The following LCAT variants were observed in gnomAD, a reference collection of about 807,000 sequenced individuals.
LCAT encodes phosphatidylcholine-sterol acyltransferase.
A neutral mutation model predicts 41.0 loss-of-function variants in LCAT; 15 were observed. That is an observed-to-expected ratio of 0.37 (90% CI 0.24 to 0.56). The LOEUF (loss-of-function observed/expected upper bound fraction) is 0.56, where lower values mean the gene tolerates loss of function less well. Ranked by LOEUF, LCAT falls within the 20% of genes least tolerant of loss-of-function variation. LCAT has a pLI of 0.81. For synonymous variants in LCAT, 248 were observed against 245.4 expected (o/e 1.01, Z -0.10); for missense variants, 449 against 595.1 (o/e 0.75, Z 2.55).
rs772490066 is a variant in LCAT at position 67,942,319 on chromosome 16, T to A, written c.748+44A>T. 6.3e-7 allele frequency: 1 copy of A among 1,588,774 alleles called. No homozygotes were observed. The highest frequency in any genetic ancestry group is 2.2e-5 in the East Asian group (1 of 44,732). ...AATGAAGGCAGGCCCAGGATCAGCT[T>A]GGTCTCACCCATCGCTGGACCTAAG... On this transcript the variant is annotated intron_variant, in intron 5 of 5. Coordinates refer to ENST00000264005, the MANE Select transcript of LCAT (RefSeq NM_000229.2). This position sits in a 1 kb window ranked among gnomAD's most constrained non-coding sequence, Gnocchi z 6.6.
Position 67,942,691 on chromosome 16 carries a change from TA to T in LCAT, c.502del (p.Tyr168MetfsTer96). 1 of 1,612,788 alleles carries T rather than the reference TA, an allele frequency of 6.2e-7. No homozygotes were observed. Among genetic ancestry groups the T allele is most frequent in the Non-Finnish European group, 8.5e-7 (1 of 1,179,872 alleles). On this transcript the variant is annotated frameshift_variant, in exon 4 of 6. Transcript: ENST00000264005. LOFTEE classifies it high-confidence loss of function. The surrounding 1 kb of genome is among the most constrained non-coding windows in gnomAD (Gnocchi z 6.6). Reference protein sequence around the residue: ...VRDETVRAAPYDWRLEPGQQE... With the variant: ...VRDETVRAAPXDWRLEPGQQE... ...CTCACCGGGCTCCAGCCGCCAGTCATAGGGGGCGGCGCGCACAGTCTCGTCC... is the reference window on the plus strand; with the variant it reads ...CTCACCGGGCTCCAGCCGCCAGTCATGGGGGCGGCGCGCACAGTCTCGTCC...
chr16:67,943,760 CAG>C lies in LCAT; in HGVS notation c.154+186_154+187del. On this transcript the variant is annotated intron_variant, in intron 1 of 5. Transcript: ENST00000264005. The surrounding 1 kb of genome is among the most constrained non-coding windows in gnomAD (Gnocchi z 4.6). ...CCCTGGGTTAGACAACTGAGAGTCA[CAG>C]TGTGGTGGGAGAAGGGACGTCATTC... The C allele has an allele frequency of 1.6e-6, 1 of 613,542 alleles. No individual in the cohort carries two copies. The highest frequency in any genetic ancestry group is 2.8e-6 in the Non-Finnish European group (1 of 356,610). 38.0% of individuals were successfully genotyped at this position (613,542 alleles called of 1,614,324 possible).
At position 67,940,196 on chromosome 16, in the gene LCAT, G is replaced by A; in HGVS notation, c.1031C>T (p.Pro344Leu). The A allele has an allele frequency of 6.2e-7, 1 of 1,612,696 alleles. No homozygotes were observed. Among genetic ancestry groups the A allele is most frequent in the Non-Finnish European group, 8.5e-7 (1 of 1,179,908 alleles). ...EVYCLYGVGL[P>L]TPRTYIYDHG... Reference sequence around the variant, plus strand: ...GTCGTAGATGTAGGTGCGGGGCGTGGGCAGGCCCACGCCGTAAAGACAGTA... The same window carrying A: ...GTCGTAGATGTAGGTGCGGGGCGTGAGCAGGCCCACGCCGTAAAGACAGTA... Residue 344 changes from proline to leucine, a missense_variant, in exon 6 of 6, where the codon CCC (proline) becomes CTC (leucine). Physicochemically the swap from Pro to Leu is moderately conservative, Grantham distance 98 (BLOSUM62 -3). Coordinates refer to ENST00000264005, the MANE Select transcript of LCAT (RefSeq NM_000229.2).
chr16:67,940,755 T>C, intron 5 of LCAT: 1 of 466,330 alleles, frequency 2.1e-6, no homozygotes, highest in Non-Finnish European at 3.8e-6. Context: ...TCCCAACACT[T>C]TGGGAGGCTG....
intron 5 of LCAT, chr16:67,940,835 CAAAAAAA>C (rs1188151330): frequency 3.8e-5 from 3 of 79,688 alleles, no homozygotes; most frequent in Admixed American, 1.2e-4. Flanking sequence ...CCTGTCTCTA[CAAAAAAA>C]AAAAAAAAAA....
chr16:67,940,400 A>T lies in LCAT; in HGVS notation c.827T>A (p.Met276Lys), dbSNP rs121908054. ...AGGCCACGCCATGCGAGAGGGAAAC[A>T]TCCAGGGGGAGGTGGTGGTTATGCG... ...EQRITTTSPW[M>K]FPSRMAWPED... is the part of the protein sequence containing the mutation. The change falls in exon 6 of 6, where the codon ATG (methionine) becomes AAG (lysine). Residue 276 changes from methionine (M) to lysine (K), a missense_variant. Physicochemically the swap from Met to Lys is moderately conservative, Grantham distance 95 (BLOSUM62 -1). Coordinates refer to ENST00000264005, the MANE Select transcript of LCAT (RefSeq NM_000229.2). 1 of 1,614,088 alleles carries T rather than the reference A, an allele frequency of 6.2e-7. No individual in the cohort carries two copies. The highest frequency in any genetic ancestry group is 8.5e-7 in the Non-Finnish European group (1 of 1,180,014).
In LCAT at chr16:67,943,417, GAAGGCGCT is replaced by G. The variant is rs1374199487; in HGVS notation, c.155-213_155-206del. The G allele has an allele frequency of 3.2e-6, 2 of 622,028 alleles. No homozygotes were observed. The highest frequency in any genetic ancestry group is 1.8e-5 in the African/African-American group (1 of 55,580). The allele number at this position is 622,028 out of a possible 1,614,324, so 38.5% of individuals were successfully genotyped here. On this transcript the variant is annotated intron_variant, in intron 1 of 5. Coordinates refer to ENST00000264005, the MANE Select transcript of LCAT (RefSeq NM_000229.2). This position sits in a 1 kb window ranked among gnomAD's most constrained non-coding sequence, Gnocchi z 4.6. The stretch of plus-strand genomic sequence containing the variant: ...AAAGCCCAGGCTTCCCTGAGGAAGG[GAAGGCGCT>G]GAGGTGCTGAGGCCAAGGCCGCTGA...
At chr16:67,941,813 G>A in intron 5 of LCAT, 1 of 1,031,526 alleles carries the variant, frequency 9.7e-7, no homozygotes, top group Non-Finnish European at 1.2e-6. Context: ...ACAAGATGGT[G>A]TCTGTTTGAT....
At position 67,943,674 on chromosome 16, in the gene LCAT, G is replaced by C. The variant is rs1184820941; in HGVS notation, c.154+274C>G. ...CCCAGAGTCTGGTGTGGCTGTGACTGACCACAGCTTGTGATGCCCCAGCCA... is the reference window on the plus strand; with the variant it reads ...CCCAGAGTCTGGTGTGGCTGTGACTCACCACAGCTTGTGATGCCCCAGCCA... On this transcript the variant is annotated intron_variant, in intron 1 of 5. Transcript: ENST00000264005. This position sits in a 1 kb window ranked among gnomAD's most constrained non-coding sequence, Gnocchi z 4.6. 1 of 536,972 alleles carries C rather than the reference G, an allele frequency of 1.9e-6. No homozygotes were observed. The highest frequency in any genetic ancestry group is 3.3e-6 in the Non-Finnish European group (1 of 300,092). The allele number at this position is 536,972 out of a possible 1,614,324, so 33.3% of individuals were successfully genotyped here.
rs771517943 is a variant in LCAT at position 67,942,941 on chromosome 16, T to C, written c.347A>G (p.Asn116Ser). 4.3e-6 allele frequency: 7 copies of C among 1,613,726 alleles called. No homozygotes were observed. In the Admixed American group the frequency reaches 6.7e-5, roughly 15 times the overall value. Reference protein sequence around the residue: ...VYNRSSGLVSNAPGVQIRVPG... With the variant: ...VYNRSSGLVSSAPGVQIRVPG... ...GACGCGGATCTGGACACCAGGGGCG[T>C]TGGACACGAGCCCAGAGCTCCGGTT... is the stretch of plus-strand genomic sequence containing the variant. The change falls in exon 3 of 6, where the codon AAC becomes AGC. Residue 116 changes from asparagine (N) to serine (S), a missense_variant. Asn to Ser is a conservative substitution (Grantham distance 46). Transcript: ENST00000264005. This position sits in a 1 kb window ranked among gnomAD's most constrained non-coding sequence, Gnocchi z 6.6.
Position 67,943,730 on chromosome 16 carries a change from GC to G in LCAT, c.154+217del, listed in dbSNP as rs745557321. The G allele has an allele frequency of 3.7e-5, 21 of 571,890 alleles. No individual in the cohort carries two copies. The highest frequency in any genetic ancestry group is 5.6e-5 in the African/African-American group (3 of 53,498). 35.4% of individuals were successfully genotyped at this position (571,890 alleles called of 1,614,324 possible). Reference sequence around the variant, plus strand: ...TCAGGCACACCCCGTCCCCCACTCCGCCCCCCCTGGGTTAGACAACTGAGAG... The same window carrying G: ...TCAGGCACACCCCGTCCCCCACTCCGCCCCCCTGGGTTAGACAACTGAGAG... On this transcript the variant is annotated intron_variant, in intron 1 of 5. Coordinates refer to ENST00000264005, the MANE Select transcript of LCAT (RefSeq NM_000229.2). This position sits in a 1 kb window ranked among gnomAD's most constrained non-coding sequence, Gnocchi z 4.6.
Position 67,943,294 on chromosome 16 carries a change from G to T in LCAT, c.155-82C>A. Reference sequence around the variant, plus strand: ...GTCACCCCAGATGCTGCAGTGACCAGACCCACCCCCCACCTCCCATACCCT... The same window carrying T: ...GTCACCCCAGATGCTGCAGTGACCATACCCACCCCCCACCTCCCATACCCT... On this transcript the variant is annotated intron_variant, in intron 1 of 5. Transcript: ENST00000264005. The surrounding 1 kb of genome is among the most constrained non-coding windows in gnomAD (Gnocchi z 4.6). The T allele has an allele frequency of 1.4e-6, 2 of 1,467,416 alleles. No homozygotes were observed. Among genetic ancestry groups the T allele is most frequent in the Non-Finnish European group, 1.9e-6 (2 of 1,066,382 alleles). 90.9% of individuals were successfully genotyped at this position (1,467,416 alleles called of 1,614,324 possible).
Position 67,939,943 on chromosome 16 carries a change from T to G in LCAT, c.1284A>C (p.Ala428=). The G allele has an allele frequency of 6.2e-7, 1 of 1,613,474 alleles. No homozygotes were observed. Among genetic ancestry groups the G allele is most frequent in the South Asian group, 1.1e-5 (1 of 91,080 alleles). The change falls in exon 6 of 6, where the codon GCA becomes GCC. Residue 428 remains alanine, a synonymous_variant. Coordinates refer to ENST00000264005, the MANE Select transcript of LCAT (RefSeq NM_000229.2). ...GGGGCTCTGGGCTGGCAGTCGGGGA[T>G]GCAGGGGGACCCTGGCGGTAGGCAC... ...LLGAYRQGPP[A]SPTASPEPPP...
Position 67,942,852 on chromosome 16 carries a change from G to A in LCAT, c.427+9C>T. 3.1e-6 allele frequency: 5 copies of A among 1,613,442 alleles called. No homozygotes were observed. The highest frequency in any genetic ancestry group is 4.2e-6 in the Non-Finnish European group (5 of 1,179,918). ...GCCTGGAGCCCCAGCCCTGCCCTCTGACACAAACCTGCCAGCTTGCTGCTG... is the reference window on the plus strand; with the variant it reads ...GCCTGGAGCCCCAGCCCTGCCCTCTAACACAAACCTGCCAGCTTGCTGCTG... On this transcript the variant is annotated intron_variant, in intron 3 of 5. Transcript: ENST00000264005. The surrounding 1 kb of genome is among the most constrained non-coding windows in gnomAD (Gnocchi z 6.6).
At position 67,943,467 on chromosome 16, in the gene LCAT, G is replaced by GCAAA. The variant is rs2058305294; in HGVS notation, c.155-259_155-256dup. On this transcript the variant is annotated intron_variant, in intron 1 of 5. Transcript: ENST00000264005. The surrounding 1 kb of genome is among the most constrained non-coding windows in gnomAD (Gnocchi z 4.6). ...GGCCGCTGACCCCTGCCTCTGCAGA[G>GCAAA]CAAACACCCAGTCTGGCGCTCCTTT... 3 of 557,052 alleles carry GCAAA rather than the reference G, an allele frequency of 5.4e-6. No individual in the cohort carries two copies. The highest frequency in any genetic ancestry group is 6.5e-6 in the Non-Finnish European group (2 of 308,830). The allele number at this position is 557,052 out of a possible 1,614,324, so 34.5% of individuals were successfully genotyped here.
Position 67,940,100 on chromosome 16 carries a change from C to T in LCAT, c.1127G>A (p.Ser376Asn). The T allele has an allele frequency of 1.9e-6, 3 of 1,613,162 alleles. No homozygotes were observed. Among genetic ancestry groups the T allele is most frequent in the Non-Finnish European group, 2.5e-6 (3 of 1,179,996 alleles). Residue 376 changes from serine (S) to asparagine (N), a missense_variant, in exon 6 of 6, where the codon AGC becomes AAC. Coordinates refer to ENST00000264005, the MANE Select transcript of LCAT (RefSeq NM_000229.2). ...EDGDDTVATRSTELCGLWQGR... is the reference protein window; with the variant it reads ...EDGDDTVATRNTELCGLWQGR... ...CTGCCACAGGCCACAGAGCTCGGTG[C>T]TGCGGGTCGCCACCGTGTCATCACC...
Position 67,943,029 on chromosome 16 carries a change from G to A in LCAT, c.311+27C>T. 1.2e-6 allele frequency: 2 copies of A among 1,613,822 alleles called. No individual in the cohort carries two copies. The highest frequency in any genetic ancestry group is 2.2e-5 in the South Asian group (2 of 91,080). On this transcript the variant is annotated intron_variant, in intron 2 of 5. Coordinates refer to ENST00000264005, the MANE Select transcript of LCAT (RefSeq NM_000229.2). This position sits in a 1 kb window ranked among gnomAD's most constrained non-coding sequence, Gnocchi z 4.6. ...CCAGTAGCCAAGGGGCAGCGTGTTG[G>A]GGCTAGGGTGGAGCACATGGCTGTA...
chr16:67,943,052 G>A lies in LCAT; in HGVS notation c.311+4C>T, dbSNP rs1350986308. The stretch of plus-strand genomic sequence containing the variant: ...TGGGGCTAGGGTGGAGCACATGGCT[G>A]TACCTGGTGTTATCGATCCAGCAGT... On this transcript the variant is annotated splice_donor_region_variant and intron_variant, in intron 2 of 5. Transcript: ENST00000264005. This position sits in a 1 kb window ranked among gnomAD's most constrained non-coding sequence, Gnocchi z 4.6. The A allele has an allele frequency of 6.2e-7, 1 of 1,613,972 alleles. No individual in the cohort carries two copies. Among genetic ancestry groups the A allele is most frequent in the Non-Finnish European group, 8.5e-7 (1 of 1,179,940 alleles).
At position 67,943,940 on chromosome 16, in the gene LCAT, G is replaced by A; in HGVS notation, c.154+8C>T. 6.5e-7 allele frequency: 1 copy of A among 1,543,954 alleles called. No homozygotes were observed. Among genetic ancestry groups the A allele is most frequent in the Non-Finnish European group, 8.7e-7 (1 of 1,142,990 alleles). On this transcript the variant is annotated splice_region_variant and intron_variant, in intron 1 of 5. Coordinates refer to ENST00000264005, the MANE Select transcript of LCAT (RefSeq NM_000229.2). The surrounding 1 kb of genome is among the most constrained non-coding windows in gnomAD (Gnocchi z 4.6). ...GCGTGGTGCATCAGGGGCCTGGTGG[G>A]GGCTTACCGAGGATGACGGGCCGTG...
Sources: gnomAD v4.1 joint callset for allele counts on GRCh38, gnomAD v4.1.1 for gene constraint, Gnocchi (gnomAD v3.1) non-coding constraint, MANE v1.5 for transcripts, NCBI Gene and HGNC (gene_info 2026-07-23, HGNC 2026-07-21) for gene names.